CPNE3: variants seen among roughly 807,000 people sequenced by gnomAD.
CPNE3 encodes the protein copine-3.
Under a neutral mutation model 63.9 loss-of-function variants are expected in CPNE3, and 68 were observed. The ratio of observed to expected loss-of-function variants is 1.06; its 90% CI spans 0.87 to 1.30. The LOEUF is 1.30. Ranked by LOEUF, CPNE3 falls within the 50% of genes most tolerant of loss-of-function variation. CPNE3 has a pLI of 0.00. For missense variants in CPNE3, 665 were observed against 578.1 expected (o/e 1.15, Z -1.54); for synonymous variants, 219 against 197.5 (o/e 1.11, Z -0.91).
At chr8:86,548,256 G>A (rs1563697757) in intron 11 of CPNE3, 45 bp from the exon 12 acceptor site, 11 of 1,606,102 alleles carry the variant, frequency 6.8e-6, no homozygotes, top group Non-Finnish European at 9.4e-6. Context: ...AAGCACAGGT[G>A]TCCCTGCCTT....
At chr8:86,547,817 TG>T in intron 11 of CPNE3, 47 bp downstream of exon 11, 1 of 883,304 alleles carries the variant, frequency 1.1e-6, no homozygotes. Flanking sequence ...TCCTCCATGT[TG>T]CAGTATATTT....
intron 1 of CPNE3, among the ~76,000 whole-genome samples, chr8:86,514,879 C>T (rs1820240422): frequency 6.6e-6 from 1 of 152,190 alleles, no homozygotes; most frequent in African/African-American, 2.4e-5. Context: ...GGCTGGGATC[C>T]GCCCTCCTTC....
intron 6 of CPNE3, among the ~76,000 whole-genome samples, chr8:86,533,062 A>ATCTG (rs1406298386): frequency 2.0e-5 from 3 of 149,382 alleles, no homozygotes; most frequent in Non-Finnish European, 4.5e-5. Context: ...CTATCTATCT[A>ATCTG]TCTATCTTTT....
intron 14 of CPNE3, among the ~76,000 whole-genome samples, chr8:86,552,285 G>A (rs972686314): frequency 3.9e-5 from 6 of 152,144 alleles, no homozygotes; most frequent in African/African-American, 1.4e-4. Flanking sequence ...TTTGCAATAT[G>A]GTTTTGTTCT....
intron 8 of CPNE3, among the ~76,000 whole-genome samples, chr8:86,540,957 G>A (rs1220103085): frequency 6.6e-6 from 1 of 152,110 alleles, no homozygotes; most frequent in African/African-American, 2.4e-5. Flanking sequence ...GAAAACTCAT[G>A]GAGTGGTGTT....
chr8:86,525,393 A>T (rs1007646793), intron 2 of CPNE3, among the ~76,000 whole-genome samples: 1 of 152,232 alleles, frequency 6.6e-6, no homozygotes, highest in Non-Finnish European at 1.5e-5. Context: ...CTTCATGAAT[A>T]TTACCATTAA....
chr8:86,527,946 A>AT (rs869225401), intron 2 of CPNE3, among the ~76,000 whole-genome samples: 6,518 of 85,692 alleles, frequency 0.076, 669 homozygotes, highest in Non-Finnish European at 0.094. Flanking sequence ...GTAAAAAGAA[A>AT]TTTTTTTTTT....
intron 16 of CPNE3, 104 bp from the exon 17 acceptor site, chr8:86,558,184 G>A: frequency 1.3e-6 from 1 of 791,732 alleles, no homozygotes. Flanking sequence ...CTATGAATTA[G>A]AATTGCTTCA....
chr8:86,537,473 G>T (rs544981148), intron 6 of CPNE3, 90 bp from the exon 7 acceptor site: 2 of 782,766 alleles, frequency 2.6e-6, no homozygotes, highest in African/African-American at 3.4e-5. Flanking sequence ...TAGACTTCAG[G>T]TGGTTGCCAA....
intron 2 of CPNE3, among the ~76,000 whole-genome samples, chr8:86,519,839 A>G (rs889665238): frequency 3.5e-4 from 53 of 152,186 alleles, no homozygotes; most frequent in African/African-American, 1.3e-3. Flanking sequence ...TCAGCCTCCC[A>G]TGTAGCTGGG....
intron 12 of CPNE3, among the ~76,000 whole-genome samples, chr8:86,550,104 A>G (rs556486128): frequency 2.1e-4 from 32 of 152,372 alleles, no homozygotes; most frequent in African/African-American, 7.5e-4. Flanking sequence ...ATTGTTTATA[A>G]TCTTGTAGTG....
intron 16 of CPNE3, among the ~76,000 whole-genome samples, chr8:86,557,628 G>A (rs1343510162): frequency 6.6e-6 from 1 of 152,130 alleles, no homozygotes; most frequent in Non-Finnish European, 1.5e-5. Flanking sequence ...TGATTATAAA[G>A]TAGTAATGTT....
chr8:86,537,600 A>G lies in CPNE3; in HGVS notation c.497A>G (p.His166Arg). Residue 166 changes from histidine to arginine, a missense_variant, in exon 7 of 17, where the codon CAC becomes CGC. Physicochemically the swap from His to Arg is conservative, Grantham distance 29 (BLOSUM62 0). Coordinates refer to ENST00000517490, the MANE Select transcript of CPNE3 (RefSeq NM_003909.5). The part of the protein sequence containing the change: ...FGKSDPYLEF[H>R]KQTSDGNWLM... The stretch of plus-strand genomic sequence containing the variant: ...AAGTCAGACCCATACCTGGAATTCC[A>G]CAAGCAGACATCTGATGGAAACTGG... 1 of 1,611,418 alleles carries G rather than the reference A, an allele frequency of 6.2e-7. No individual in the cohort carries two copies. Among genetic ancestry groups the G allele is most frequent in the Non-Finnish European group, 8.5e-7 (1 of 1,177,608 alleles).
Position 86,556,193 on chromosome 8 carries a change from T to C in CPNE3, c.1346T>C (p.Met449Thr), listed in dbSNP as rs940294755. The change falls in exon 16 of 17, where the codon ATG becomes ACG. Residue 449 changes from methionine (M) to threonine (T), a missense_variant. By Grantham distance (81) the Met-to-Thr change is moderately conservative (BLOSUM62 -1). Coordinates refer to ENST00000517490, the MANE Select transcript of CPNE3 (RefSeq NM_003909.5). ...QAIVNASRLP[M>T]SIIIVGVGGA... ...ATAGTTAATGCCTCCAGGCTGCCTA[T>C]GTCCATCATAATTGTTGGAGTTGGA... 4.6e-6 allele frequency: 4 copies of C among 873,066 alleles called. No individual in the cohort carries two copies. Among genetic ancestry groups the C allele is most frequent in the Non-Finnish European group, 8.0e-6 (4 of 501,690 alleles). The allele number at this position is 873,066 out of a possible 1,614,324, so 54.1% of individuals were successfully genotyped here.
At chr8:86,549,328 G>C (rs754857658) in intron 12 of CPNE3, among the ~76,000 whole-genome samples, 2 of 152,142 alleles carry the variant, frequency 1.3e-5, no homozygotes, top group Non-Finnish European at 2.9e-5. Context: ...TTATTAGACA[G>C]TAGTGAGAGC....
At position 86,556,296 on chromosome 8, in the gene CPNE3, C is replaced by A; in HGVS notation, c.1449C>A (p.Ile483=). 1.1e-6 allele frequency: 1 copy of A among 873,042 alleles called. No homozygotes were observed. The highest frequency in any genetic ancestry group is 2.0e-6 in the Non-Finnish European group (1 of 501,698). 54.1% of individuals were successfully genotyped at this position (873,042 alleles called of 1,614,324 possible). A position where few individuals can be genotyped will look rare whatever the true frequency, so the allele number is the denominator to read the frequency against. The change falls in exon 16 of 17, where the codon ATC becomes ATA. Residue 483 remains isoleucine (I), a synonymous_variant. Transcript: ENST00000517490. ...GCTCCCCATTGGGCGAAGTGGCCAT[C>A]AGAGATATTGTCCAGTTTGTGCCTT... is the stretch of plus-strand genomic sequence containing the variant. ...SLRSPLGEVA[I]RDIVQFVPFR... is the part of the protein sequence containing the mutation.
chr8:86,528,678 G>T lies in CPNE3; in HGVS notation c.132+1G>T, dbSNP rs2131441556. ...TACAAGTGGTCAACAGTGGTATGAG[G>T]TAATGTCAAATACTTTACCTAAAAA... On this transcript the variant is annotated splice_donor_variant, in intron 3 of 16. Coordinates refer to ENST00000517490, the MANE Select transcript of CPNE3 (RefSeq NM_003909.5). LOFTEE classifies it high-confidence loss of function. 1 of 1,607,126 alleles carries T rather than the reference G, an allele frequency of 6.2e-7. No homozygotes were observed. Among genetic ancestry groups the T allele is most frequent in the Non-Finnish European group, 8.5e-7 (1 of 1,177,932 alleles).
intron 15 of CPNE3, among the ~76,000 whole-genome samples, chr8:86,555,274 G>A (rs1311147595): frequency 6.6e-6 from 1 of 151,288 alleles, no homozygotes; most frequent in Non-Finnish European, 1.5e-5. Context: ...TTTTGAAGTA[G>A]ACATAACAAA....
At chr8:86,532,382 A>G (rs1820702298) in intron 5 of CPNE3, 127 bp from the exon 6 acceptor site, 1 of 595,112 alleles carries the variant, frequency 1.7e-6, no homozygotes, top group African/African-American at 1.9e-5. Context: ...CCATTTTCTT[A>G]TGAAACATTT....
Sources: gnomAD v4.1 joint callset for allele counts (sites outside exome capture counted in the v4.1 genomes callset) on GRCh38, gnomAD v4.1.1 for gene constraint, MANE v1.5 for transcripts, NCBI Gene and HGNC (gene_info 2026-07-23, HGNC 2026-07-21) for gene names.